The following NBAS variants were observed in gnomAD, a reference collection of about 807,000 sequenced individuals.
NBAS encodes NBAS subunit of NRZ tethering complex.
In NBAS, 219 loss-of-function variants were observed where a neutral mutation model predicts 302.5. The observed-to-expected ratio is 0.72, with a 90% CI of 0.65 to 0.81. The LOEUF is 0.81. NBAS is among the 30% of genes least tolerant of loss of function. The pLI is 0.00. For synonymous variants in NBAS, 1,118 were observed against 1,021.6 expected, an observed-to-expected ratio of 1.09 and a Z score of -1.80; for missense variants, 2,932 against 2,841.6, an observed-to-expected ratio of 1.03 and a Z score of -0.72.
the NBAS span, among the ~76,000 whole-genome samples, chr2:14,936,909 C>A: frequency 6.6e-6 from 1 of 152,116 alleles, no homozygotes. Context: ...GGGGAGGAGA[C>A]TACCTTTTGG....
chr2:15,421,150 CA>C (rs1191931566), intron 23 of NBAS, among the ~76,000 whole-genome samples: 2 of 151,740 alleles, frequency 1.3e-5, no homozygotes, highest in South Asian at 4.2e-4. Flanking sequence ...AAAACAAAAA[CA>C]AAAAAACCTC....
intron 44 of NBAS, among the ~76,000 whole-genome samples, chr2:15,245,704 A>G (rs1668069169): frequency 6.6e-6 from 1 of 152,082 alleles, no homozygotes. Context: ...GAACAGTAAA[A>G]GTGCATTTGA....
At chr2:15,463,008 C>A (rs932419908) in intron 19 of NBAS, among the ~76,000 whole-genome samples, 3 of 152,192 alleles carry the variant, frequency 2.0e-5, no homozygotes, top group African/African-American at 7.2e-5. Flanking sequence ...CGTGGTGGCT[C>A]ACGCCTGTAA....
chr2:15,065,867 T>C, the NBAS span, among the ~76,000 whole-genome samples: 1 of 152,114 alleles, frequency 6.6e-6, no homozygotes, highest in Admixed American at 6.5e-5. Flanking sequence ...CCCAATGACA[T>C]TTTTTACAGA....
At chr2:14,900,403 CTG>C in the NBAS span, among the ~76,000 whole-genome samples, 23 of 152,264 alleles carry the variant, frequency 1.5e-4, no homozygotes, top group East Asian at 3.9e-4. Flanking sequence ...AAAAAGGAAA[CTG>C]AGATTTTTAC....
At chr2:15,089,545 A>C in the NBAS span, among the ~76,000 whole-genome samples, 1 of 152,234 alleles carries the variant, frequency 6.6e-6, no homozygotes, top group South Asian at 2.1e-4. Flanking sequence ...CAGGCAGGTA[A>C]TGAAACCAGC....
At chr2:15,030,747 G>T in the NBAS span, among the ~76,000 whole-genome samples, 1 of 152,148 alleles carries the variant, frequency 6.6e-6, no homozygotes, top group Non-Finnish European at 1.5e-5. Flanking sequence ...TGACATTGGG[G>T]TCACACATTC....
At chr2:15,350,143 A>T (rs1673281620) in intron 35 of NBAS, among the ~76,000 whole-genome samples, 1 of 152,198 alleles carries the variant, frequency 6.6e-6, no homozygotes, top group South Asian at 2.1e-4. Context: ...AGTTGCATAT[A>T]TTCTACTCTG....
chr2:15,168,460 G>C (rs564727013), intron 51 of NBAS, among the ~76,000 whole-genome samples: 1 of 152,114 alleles, frequency 6.6e-6, no homozygotes, highest in Non-Finnish European at 1.5e-5. Context: ...TACCCACAGG[G>C]GTCATTCAAA....
At chr2:15,514,003 G>A (rs1662269293) in intron 9 of NBAS, among the ~76,000 whole-genome samples, 1 of 152,018 alleles carries the variant, frequency 6.6e-6, no homozygotes. Context: ...AAAGAGGCAG[G>A]GGAGAACACA....
chr2:15,558,780 A>T, intron 1 of NBAS, 146 bp from the exon 2 acceptor site: 2 of 697,240 alleles, frequency 2.9e-6, no homozygotes, highest in South Asian at 3.2e-5. Flanking sequence ...CTACTTAAAG[A>T]CTGGATGTTC....
In NBAS at chr2:15,258,524, G is replaced by T. The variant is rs538727049; in HGVS notation, c.5724+16960C>A. 2.6e-5 allele frequency among the ~76,000 whole-genome samples: 4 copies of T among 152,152 alleles called. No homozygotes were observed. In the East Asian group the frequency reaches 7.7e-4, roughly 29 times the overall value. ...ACCCTGGGAAAGGAATGCATTCCTG[G>T]GGGGAGGTCTATAAACGGCCACTCT... On this transcript the variant is annotated intron_variant, in intron 44 of 51. Transcript: ENST00000281513.
intron 50 of NBAS, 56 bp from the exon 51 acceptor site, chr2:15,179,172 C>CG (rs1331233058): frequency 1.2e-6 from 2 of 1,612,228 alleles, no homozygotes; most frequent in Non-Finnish European, 1.7e-6. Flanking sequence ...CTCACCGGCA[C>CG]GGTTCTGGCT....
the NBAS span, among the ~76,000 whole-genome samples, chr2:14,883,980 T>G: frequency 2.0e-5 from 3 of 149,482 alleles, no homozygotes; most frequent in Non-Finnish European, 3.0e-5. Context: ...TCAAAAAAAA[T>G]AAAATAAAAT....
At chr2:14,802,454 T>C in the NBAS span, among the ~76,000 whole-genome samples, 4 of 151,562 alleles carry the variant, frequency 2.6e-5, no homozygotes, top group African/African-American at 4.9e-5. Context: ...AGTCAGGTAG[T>C]GTGATGCCTC....
intron 9 of NBAS, among the ~76,000 whole-genome samples, chr2:15,515,999 G>A (rs948987525): frequency 1.3e-5 from 2 of 152,100 alleles, no homozygotes; most frequent in African/African-American, 4.8e-5. Context: ...GAAGGGTCAC[G>A]GCAATGGAGG....
chr2:15,357,570 G>A (rs1358044649), intron 32 of NBAS, among the ~76,000 whole-genome samples: 1 of 152,018 alleles, frequency 6.6e-6, no homozygotes, highest in Non-Finnish European at 1.5e-5. Context: ...AACCTATGTT[G>A]CCCAGGCTGG....
chr2:15,260,598 G>C (rs1381469778), intron 44 of NBAS, among the ~76,000 whole-genome samples: 1 of 152,164 alleles, frequency 6.6e-6, no homozygotes, highest in Non-Finnish European at 1.5e-5. Context: ...TCTGGACAGA[G>C]TGGATGGGGT....
chr2:15,023,834 A>G, the NBAS span, among the ~76,000 whole-genome samples: 3 of 151,676 alleles, frequency 2.0e-5, no homozygotes, highest in Admixed American at 2.0e-4. Flanking sequence ...GTTCATTTTT[A>G]TCACTAATAT....
Sources: gnomAD v4.1 joint callset for allele counts (sites outside exome capture counted in the v4.1 genomes callset) on GRCh38, gnomAD v4.1.1 for gene constraint, MANE v1.5 for transcripts, NCBI Gene and HGNC (gene_info 2026-07-23, HGNC 2026-07-21) for gene names.